Variants in IDO2 observed in about 807,000 individuals in gnomAD.
The protein encoded by IDO2 is indoleamine 2,3-dioxygenase 2, also known as indoleamine 2,3-dioxygenase-like 1 protein.
Under a neutral mutation model 45.1 loss-of-function variants are expected in IDO2, and 46 were observed. That is an observed-to-expected ratio of 1.02 (90% CI 0.80 to 1.30). IDO2 has a LOEUF of 1.30. Ranked by LOEUF, IDO2 falls within the 50% of genes most tolerant of loss-of-function variation. IDO2 has a pLI of 0.00. For synonymous variants in IDO2, 218 were observed against 184.9 expected (o/e 1.18, Z -1.45); for missense variants, 544 against 491.8 (o/e 1.11, Z -1.00).
At chr8:39,952,468 A>C (rs75432523) in intron 2 of IDO2, among the ~76,000 whole-genome samples, 168 of 152,352 alleles carry the variant, frequency 1.1e-3, no homozygotes, top group African/African-American at 3.8e-3. Context: ...GTGAATAAAA[A>C]AAATTCTGGT....
chr8:39,989,850 C>A lies in IDO2; in HGVS notation c.667+12C>A. The stretch of plus-strand genomic sequence containing the variant: ...AGGACAGATGCATGGTAAGATGCTT[C>A]CGAAGCTCCTGAAGGATCCCCCAGG... On this transcript the variant is annotated intron_variant, in intron 8 of 10. Transcript: ENST00000502986. 6.4e-7 allele frequency: 1 copy of A among 1,551,894 alleles called. No homozygotes were observed. Among genetic ancestry groups the A allele is most frequent in the East Asian group, 2.4e-5 (1 of 42,542 alleles).
chr8:40,002,901 G>T (rs1000948104), intron 8 of IDO2, among the ~76,000 whole-genome samples: 2 of 152,080 alleles, frequency 1.3e-5, no homozygotes, highest in Non-Finnish European at 2.9e-5. Context: ...CAATATTTCT[G>T]TATTATGAAT....
chr8:39,953,238 A>C (rs2129593477), intron 2 of IDO2, among the ~76,000 whole-genome samples: 1 of 152,230 alleles, frequency 6.6e-6, no homozygotes, highest in Non-Finnish European at 1.5e-5. Flanking sequence ...AAATGACATG[A>C]TGCATCTGAT....
intron 1 of IDO2, among the ~76,000 whole-genome samples, chr8:39,948,011 T>A (rs1807764491): frequency 2.6e-5 from 4 of 152,190 alleles, no homozygotes; most frequent in Admixed American, 2.0e-4. Context: ...CTCAAACTCC[T>A]GACCTCAGGT....
At chr8:40,003,368 CAAAAAAAA>C (rs1172335332) in intron 8 of IDO2, among the ~76,000 whole-genome samples, 4 of 118,420 alleles carry the variant, frequency 3.4e-5, no homozygotes, top group Non-Finnish European at 3.4e-5. Context: ...GACTCCATCT[CAAAAAAAA>C]AAAAAAAAAA....
At chr8:39,963,633 C>T (rs201524976) in exon 3 of IDO2, 1 of 1,610,536 alleles carries the variant, frequency 6.2e-7, no homozygotes, top group Non-Finnish European at 8.5e-7. Flanking sequence ...CATTATAGGC[C>T]TTGGATGGAA....
Position 39,943,662 on chromosome 8 carries a change from C to CG in IDO2, c.-17-5481dup, listed in dbSNP as rs535791069. Among the ~76,000 whole-genome samples the CG allele has an allele frequency of 3.4e-3, 499 of 146,672 alleles. 5 individuals carry two copies. Among genetic ancestry groups the CG allele is most frequent in the Middle Eastern group, 0.011 (3 of 280 alleles). On this transcript the variant is annotated intron_variant, in intron 1 of 10. Transcript: ENST00000502986. Reference sequence around the variant, plus strand: ...TGAGGCAGGAGAATGGCGTGAACCCCGGGGGGCGGAGCCTGCAGTGAGCTG... The same window carrying CG: ...TGAGGCAGGAGAATGGCGTGAACCCCGGGGGGGCGGAGCCTGCAGTGAGCTG...
At chr8:39,990,570 C>T (rs986722458) in intron 8 of IDO2, among the ~76,000 whole-genome samples, 4 of 152,212 alleles carry the variant, frequency 2.6e-5, no homozygotes, top group African/African-American at 9.6e-5. Context: ...ACTGCCTTTC[C>T]AACATTGGCC....
At chr8:40,013,436 C>A in intron 9 of IDO2, 129 bp from the exon 10 acceptor site, 2 of 875,454 alleles carry the variant, frequency 2.3e-6, no homozygotes, top group East Asian at 4.9e-5. Context: ...AAAGATACCC[C>A]CAATCCCTCA....
chr8:40,011,146 A>G (rs1802304444), intron 9 of IDO2, among the ~76,000 whole-genome samples: 1 of 152,130 alleles, frequency 6.6e-6, no homozygotes, highest in Non-Finnish European at 1.5e-5. Context: ...CCTGACCTCA[A>G]TCGATCTCCC....
At chr8:39,941,006 A>C (rs1383785325) in intron 1 of IDO2, among the ~76,000 whole-genome samples, 3 of 151,596 alleles carry the variant, frequency 2.0e-5, no homozygotes, top group Admixed American at 1.3e-4. Flanking sequence ...GGATCACCTG[A>C]GGTCAGGAGT....
At chr8:39,941,220 T>TCAAAAAAAAA (rs1807637577) in intron 1 of IDO2, among the ~76,000 whole-genome samples, 1 of 12,022 alleles carries the variant, frequency 8.3e-5, no homozygotes, top group African/African-American at 1.8e-4. Context: ...AGACTCCATC[T>TCAAAAAAAAA]CAAAAAAAAA....
At chr8:39,992,617 ACT>A (rs1332336224) in intron 8 of IDO2, among the ~76,000 whole-genome samples, 9 of 152,202 alleles carry the variant, frequency 5.9e-5, no homozygotes, top group Admixed American at 5.9e-4. Flanking sequence ...AACACTAGAA[ACT>A]GCAAGATTTA....
chr8:39,979,310 A>G, intron 4 of IDO2, 124 bp downstream of exon 4: 1 of 983,276 alleles, frequency 1.0e-6, no homozygotes, highest in Non-Finnish European at 1.5e-6. Context: ...CTCGATGGGC[A>G]TCAGTTTAAG....
rs199869245 is a variant in IDO2 at position 39,989,787 on chromosome 8, C to T, written c.616C>T (p.Arg206Ter). The change falls in exon 8 of 11, where the codon CGA becomes TGA. Residue 206 changes from arginine (R) to a stop codon, truncating the protein, a stop_gained. Coordinates refer to ENST00000502986, the Ensembl canonical transcript of IDO2. LOFTEE classifies it high-confidence loss of function. ...GGAGGCCCTGCTCCAAGCCCTGCAG[C>T]GACTGAGACTGTCTATTCAGGACAT... 1.6e-4 allele frequency: 253 copies of T among 1,605,230 alleles called. No individual in the cohort carries two copies. The highest frequency in any genetic ancestry group is 1.5e-3 in the African/African-American group (113 of 74,872).
chr8:39,987,685 T>C, intron 6 of IDO2, 186 bp from the exon 7 acceptor site: 2 of 546,038 alleles, frequency 3.7e-6, no homozygotes, highest in East Asian at 2.9e-5. Context: ...ATTGAACTTA[T>C]CTGTTCTCTT....
chr8:40,015,671 G>T, exon 11 of IDO2: 1 of 1,084,822 alleles, frequency 9.2e-7, no homozygotes, highest in Non-Finnish European at 1.4e-6. Flanking sequence ...ATGAGGGTCA[G>T]GGTTCTGCCT....
intron 8 of IDO2, among the ~76,000 whole-genome samples, chr8:40,001,625 G>A (rs1802139100): frequency 6.6e-6 from 1 of 151,784 alleles, no homozygotes. Flanking sequence ...TCTGAAGGCT[G>A]ATTTTTGTTA....
chr8:39,958,186 C>A (rs2001211), intron 2 of IDO2, among the ~76,000 whole-genome samples: 1 of 151,058 alleles, frequency 6.6e-6, no homozygotes, highest in Non-Finnish European at 1.5e-5. Flanking sequence ...ATTACAGGCG[C>A]GAGCCACCGC....
Sources: allele counts gnomAD v4.1 joint callset (sites outside exome capture counted in the v4.1 genomes callset), GRCh38; gene constraint gnomAD v4.1.1; transcripts MANE v1.5; gene names NCBI Gene and HGNC (gene_info 2026-07-23, HGNC 2026-07-21).